DNAJC24: variants seen among roughly 807,000 people sequenced by gnomAD.
The protein encoded by DNAJC24 is DnaJ heat shock protein family (Hsp40) member C24.
A neutral mutation model predicts 18.0 loss-of-function variants in DNAJC24; 17 were observed. The observed-to-expected ratio is 0.94, with a 90% confidence interval of 0.65 to 1.42. The LOEUF is 1.42. DNAJC24 is among the 40% of genes most tolerant of loss of function. The pLI, the probability that DNAJC24 is intolerant of heterozygous loss-of-function variation, is 0.00. For missense variants in DNAJC24, 158 were observed against 175.6 expected (o/e 0.90, Z 0.57); for synonymous variants, 55 against 57.7 (o/e 0.95, Z 0.21).
At position 31,432,537 on chromosome 11, in the gene DNAJC24, C is replaced by A. The variant is rs372412278; in HGVS notation, c.*2136C>A. The A allele has an allele frequency of 2.2e-5, 35 of 1,612,974 alleles. No homozygotes were observed. Among genetic ancestry groups the A allele is most frequent in the Admixed American group, 3.3e-5 (2 of 59,990 alleles). On this transcript the variant is annotated 3_prime_UTR_variant, in exon 5 of 5. Coordinates refer to ENST00000465995, the MANE Select transcript of DNAJC24 (RefSeq NM_181706.5). Reference sequence around the variant, plus strand: ...AAATCTGTGGCCATTAGGGCTGGCACGTAAAAATCCAAAATCACTCAGAGG... The same window carrying A: ...AAATCTGTGGCCATTAGGGCTGGCAAGTAAAAATCCAAAATCACTCAGAGG...
intron 3 of DNAJC24, 133 bp from the exon 4 acceptor site, chr11:31,426,154 C>G: frequency 1.8e-6 from 1 of 564,510 alleles, no homozygotes; most frequent in South Asian, 2.5e-5. Context: ...GTCAAAAATA[C>G]TAGTCTAAGT....
At chr11:31,425,966 C>T (rs1168582938) in intron 3 of DNAJC24, among the ~76,000 whole-genome samples, 1 of 152,174 alleles carries the variant, frequency 6.6e-6, no homozygotes, top group Non-Finnish European at 1.5e-5. Context: ...AAAAACATTT[C>T]CCTACTGCTT....
intron 1 of DNAJC24, 70 bp from the exon 2 acceptor site, chr11:31,370,646 A>G (rs1952219655): frequency 3.3e-6 from 2 of 607,936 alleles, no homozygotes; most frequent in Middle Eastern, 2.6e-4. Flanking sequence ...AGAATTTACA[A>G]GGGCAGTACT....
At chr11:31,400,188 C>G (rs1452077155) in intron 2 of DNAJC24, among the ~76,000 whole-genome samples, 1 of 152,098 alleles carries the variant, frequency 6.6e-6, no homozygotes, top group Non-Finnish European at 1.5e-5. Context: ...TGGTTCAAGT[C>G]TTTGCTATTG....
intron 2 of DNAJC24, among the ~76,000 whole-genome samples, chr11:31,401,909 T>C (rs1278636367): frequency 6.6e-6 from 1 of 152,196 alleles, no homozygotes; most frequent in African/African-American, 2.4e-5. Context: ...TTTATAGGAT[T>C]ATTCACAAAG....
chr11:31,402,466 A>G (rs902887993), intron 2 of DNAJC24, among the ~76,000 whole-genome samples: 1 of 152,222 alleles, frequency 6.6e-6, no homozygotes, highest in African/African-American at 2.4e-5. Context: ...TATTTTTTAA[A>G]TAATTAGCCT....
At chr11:31,429,079 C>T (rs879800301) in intron 4 of DNAJC24, among the ~76,000 whole-genome samples, 1 of 151,966 alleles carries the variant, frequency 6.6e-6, no homozygotes, top group South Asian at 2.1e-4. Context: ...TCAGAACATG[C>T]TGTAGTACAT....
At chr11:31,404,725 C>T (rs1266432849) in intron 2 of DNAJC24, among the ~76,000 whole-genome samples, 1 of 151,960 alleles carries the variant, frequency 6.6e-6, no homozygotes, top group Admixed American at 6.6e-5. Flanking sequence ...TAAAAATGAC[C>T]CATAATAAGC....
chr11:31,422,190 A>G (rs1169667190), intron 3 of DNAJC24: 1 of 207,920 alleles, frequency 4.8e-6, no homozygotes, highest in Non-Finnish European at 9.9e-6. Context: ...TCTCTTTATA[A>G]TGTACTGACT....
At chr11:31,388,523 A>G (rs1414411743) in intron 2 of DNAJC24, among the ~76,000 whole-genome samples, 2 of 152,208 alleles carry the variant, frequency 1.3e-5, no homozygotes, top group African/African-American at 2.4e-5. Context: ...AGCAAAAAAT[A>G]TCCTTCAAAT....
At position 31,431,916 on chromosome 11, in the gene DNAJC24, A is replaced by G. The variant is rs1952928084; in HGVS notation, c.*1515A>G. ...CTGCTATGCTGAAATGAACTTTTAT[A>G]AAGTATTATTGACTATAGCCAACTA... On this transcript the variant is annotated 3_prime_UTR_variant, in exon 5 of 5. Coordinates refer to ENST00000465995, the MANE Select transcript of DNAJC24 (RefSeq NM_181706.5). 1 of 152,280 alleles carries G rather than the reference A, an allele frequency of 6.6e-6. No homozygotes were observed. Among genetic ancestry groups the G allele is most frequent in the Non-Finnish European group, 1.5e-5 (1 of 68,064 alleles). 9.4% of individuals were successfully genotyped at this position (152,280 alleles called of 1,614,324 possible).
At chr11:31,413,578 C>T (rs920866998) in intron 2 of DNAJC24, among the ~76,000 whole-genome samples, 6 of 151,960 alleles carry the variant, frequency 3.9e-5, no homozygotes, top group African/African-American at 9.7e-5. Context: ...GTGATCCGCC[C>T]GCCTTGGCCT....
chr11:31,371,330 C>T (rs1302276675), intron 2 of DNAJC24, among the ~76,000 whole-genome samples: 1 of 152,116 alleles, frequency 6.6e-6, no homozygotes, highest in Admixed American at 6.5e-5. Flanking sequence ...AATAATTTAA[C>T]AATTTTTATG....
Position 31,406,109 on chromosome 11 carries a change from T to C in DNAJC24, c.112-8702T>C, listed in dbSNP as rs547094250. Reference sequence around the variant, plus strand: ...TAGCAGCTACAAATCCTTTTTTTTTTCCAAATGTATTCTTTTGAATGCATT... The same window carrying C: ...TAGCAGCTACAAATCCTTTTTTTTTCCCAAATGTATTCTTTTGAATGCATT... On this transcript the variant is annotated intron_variant, in intron 2 of 4. Transcript: ENST00000465995. Among the ~76,000 whole-genome samples the C allele has an allele frequency of 6.0e-4, 92 of 152,302 alleles. 1 individual carries two copies. The highest frequency in any genetic ancestry group is 1.0e-3 in the Non-Finnish European group (71 of 68,022).
chr11:31,401,390 A>G (rs2133485755), intron 2 of DNAJC24, among the ~76,000 whole-genome samples: 1 of 152,016 alleles, frequency 6.6e-6, no homozygotes, highest in Non-Finnish European at 1.5e-5. Context: ...TCTCTTTTTC[A>G]AAACATTATC....
rs144765508 is a variant in DNAJC24 at position 31,407,174 on chromosome 11, T to C, written c.112-7637T>C. Among the ~76,000 whole-genome samples the C allele has an allele frequency of 2.3e-3, 344 of 152,342 alleles. 2 individuals carry two copies. The highest frequency in any genetic ancestry group is 8.0e-3 in the African/African-American group (333 of 41,586). On this transcript the variant is annotated intron_variant, in intron 2 of 4. Coordinates refer to ENST00000465995, the MANE Select transcript of DNAJC24 (RefSeq NM_181706.5). ...AAGTGCTATGTCCTCAAGTGCCACA[T>C]TGATAAATCAAGTAATATTAGCCTA... is the stretch of plus-strand genomic sequence containing the variant.
At position 31,430,312 on chromosome 11, in the gene DNAJC24, TACA is replaced by T; in HGVS notation, c.362_364del (p.Tyr121_Ser122delinsCys). On this transcript the variant is annotated inframe_deletion, in exon 5 of 5. Transcript: ENST00000465995. ...TCTGAGTTGCAGATGTGGTGGAAAA[TACA>T]GTGTTTCCAAGGATGAAGCGGAAGA... 1.2e-6 allele frequency: 2 copies of T among 1,611,146 alleles called. No individual in the cohort carries two copies. The highest frequency in any genetic ancestry group is 1.7e-6 in the Non-Finnish European group (2 of 1,177,950).
chr11:31,370,304 A>G (rs985074251), intron 1 of DNAJC24, among the ~76,000 whole-genome samples: 14 of 152,010 alleles, frequency 9.2e-5, no homozygotes, highest in African/African-American at 1.7e-4. Flanking sequence ...TAATTCTTTG[A>G]TGTTCTGTTT....
intron 3 of DNAJC24, among the ~76,000 whole-genome samples, chr11:31,424,530 G>T (rs980102443): frequency 6.6e-6 from 1 of 152,082 alleles, no homozygotes; most frequent in East Asian, 1.9e-4. Context: ...ATAGCCTATT[G>T]TACTTTACAT....
Sources: gnomAD v4.1 joint callset for allele counts (sites outside exome capture counted in the v4.1 genomes callset) on GRCh38, gnomAD v4.1.1 for gene constraint, MANE v1.5 for transcripts, NCBI Gene and HGNC (gene_info 2026-07-23, HGNC 2026-07-21) for gene names.